The following PRRG3 variants were observed in gnomAD, a reference collection of about 807,000 sequenced individuals.
The protein encoded by PRRG3 is transmembrane gamma-carboxyglutamic acid protein 3.
In PRRG3, 21 loss-of-function variants were observed where a neutral mutation model predicts 15.8. The ratio of observed to expected loss-of-function variants is 1.33; its 90% CI spans 0.94 to 1.92. The LOEUF (loss-of-function observed/expected upper bound fraction) is 1.92, where lower values mean the gene tolerates loss of function less well. Among genes scored for constraint, PRRG3 ranks in the 40% most tolerant of loss-of-function variants. The probability of loss-of-function intolerance (pLI) is 0.00; values close to 1 mark genes in which losing one functional copy is unlikely to be tolerated. For synonymous variants in PRRG3, 125 were observed against 84.1 expected (o/e 1.49, Z -2.66); for missense variants, 251 against 200.2 (o/e 1.25, Z -1.53).
In PRRG3 at chrX:151,701,073, C is replaced by T. The variant is rs374710681; in HGVS notation, c.*40C>T. The T allele has an allele frequency of 6.3e-5, 67 of 1,056,834 alleles. No homozygotes were observed. Among genetic ancestry groups the T allele is most frequent in the Non-Finnish European group, 8.0e-5 (65 of 808,059 alleles). The allele number at this position is 1,056,834 out of a possible 1,213,427, so 87.1% of individuals were successfully genotyped here. Reference sequence around the variant, plus strand: ...CCTGTCCTGGATGAACGCCTCTTTCCGAGGTCTCCTATTTTCTTTTTAACT... The same window carrying T: ...CCTGTCCTGGATGAACGCCTCTTTCTGAGGTCTCCTATTTTCTTTTTAACT... On this transcript the variant is annotated 3_prime_UTR_variant, in exon 4 of 4. Transcript: ENST00000674457.
At chrX:151,695,402 G>C (rs1035011893), upstream of PRRG3, 5 of 110,777 alleles carry the variant, frequency 4.5e-5, no homozygotes, top group Non-Finnish European at 7.6e-5. Flanking sequence ...GGAAGGGAGG[G>C]AGGAGACGGC....
upstream of PRRG3, among the ~76,000 whole-genome samples, chrX:151,694,774 G>A (rs1230906785): frequency 8.9e-6 from 1 of 112,069 alleles, no homozygotes; most frequent in South Asian, 3.7e-4. Context: ...CAGGACGCGG[G>A]TTGGGCTGCG....
In PRRG3 at chrX:151,698,812, A is replaced by C; in HGVS notation, c.-3A>C. On this transcript the variant is annotated 5_prime_UTR_variant, in exon 2 of 4. Coordinates refer to ENST00000674457, the MANE Select transcript of PRRG3 (RefSeq NM_001372163.1). The stretch of plus-strand genomic sequence containing the variant: ...AGTGAGACCCTGCAGCTGAGGGAGC[A>C]TCATGGCAGGTGAGTTTTTCCAGGC... 1 of 1,205,367 alleles carries C rather than the reference A, an allele frequency of 8.3e-7. No individual in the cohort carries two copies. Among genetic ancestry groups the C allele is most frequent in the Non-Finnish European group, 1.1e-6 (1 of 891,613 alleles).
At chrX:151,694,616 C>T (rs146807367), upstream of PRRG3, among the ~76,000 whole-genome samples, 1,624 of 112,270 alleles carry the variant, frequency 0.014, 30 homozygotes, top group African/African-American at 0.049. Context: ...CAGTCATTGG[C>T]GGAACGCGGC....
At chrX:151,698,413 A>G in intron 1 of PRRG3, 1 of 130,036 alleles carries the variant, frequency 7.7e-6, no homozygotes, top group Non-Finnish European at 1.5e-5. Flanking sequence ...GTCCTTTCCA[A>G]TTGGAAGTTG....
intron 2 of PRRG3, 95 bp downstream of exon 2, chrX:151,698,916 C>A: frequency 3.6e-6 from 3 of 841,232 alleles, no homozygotes; most frequent in Non-Finnish European, 3.4e-6. Context: ...CTGCCCCCTA[C>A]CCCCCAAGTG....
intron 1 of PRRG3, among the ~76,000 whole-genome samples, chrX:151,696,349 G>A (rs2014760355): frequency 9.0e-6 from 1 of 111,027 alleles, no homozygotes; most frequent in South Asian, 3.9e-4. Flanking sequence ...GGCAGCAGCA[G>A]CAGTGAAGGT....
intron 2 of PRRG3, 94 bp downstream of exon 2, chrX:151,698,915 A>T (rs41304962): frequency 0.074 from 64,125 of 863,051 alleles, 1,983 homozygotes; most frequent in Middle Eastern, 0.22. Context: ...CCTGCCCCCT[A>T]CCCCCCAAGT....
chrX:151,697,946 C>T (rs1015962369), intron 1 of PRRG3, among the ~76,000 whole-genome samples: 3 of 110,429 alleles, frequency 2.7e-5, no homozygotes, highest in Admixed American at 9.7e-5. Context: ...TTGTAGTTAG[C>T]GTCTCAGTGT....
upstream of PRRG3, among the ~76,000 whole-genome samples, chrX:151,694,693 GCCCCCC>G (rs2014723991): frequency 9.0e-6 from 1 of 110,855 alleles, no homozygotes; most frequent in Admixed American, 9.4e-5. Flanking sequence ...TTGCAGGCTA[GCCCCCC>G]TCTCTTTTCG....
chrX:151,695,980 G>A (rs368461986), intron 1 of PRRG3, among the ~76,000 whole-genome samples: 2 of 111,433 alleles, frequency 1.8e-5, no homozygotes, highest in East Asian at 2.8e-4. Flanking sequence ...CTTCATGTGA[G>A]GGACTTTGGG....
intron 2 of PRRG3, 163 bp from the exon 3 acceptor site, chrX:151,699,833 C>T (rs1460609360): frequency 4.1e-6 from 2 of 487,463 alleles, no homozygotes; most frequent in African/African-American, 4.8e-5. Context: ...CCATCCCTTT[C>T]ACAAAGGGCC....
At chrX:151,699,572 C>G (rs80153614) in intron 2 of PRRG3, among the ~76,000 whole-genome samples, 7,545 of 112,640 alleles carry the variant, frequency 0.067, 303 homozygotes, top group African/African-American at 0.15. Context: ...CCACCAGTAT[C>G]AGCCTTAAAG....
At chrX:151,698,704 G>A (rs2014808662) in intron 1 of PRRG3, 80 bp from the exon 2 acceptor site, 17 of 773,452 alleles carry the variant, frequency 2.2e-5, no homozygotes, top group Non-Finnish European at 2.9e-5. Flanking sequence ...GTGGGAGGGG[G>A]GCACATCCCA....
chrX:151,704,143 TC>T lies in PRRG3; in HGVS notation c.*3112del, dbSNP rs2014942322. On this transcript the variant is annotated 3_prime_UTR_variant, in exon 4 of 4. Coordinates refer to ENST00000674457, the MANE Select transcript of PRRG3 (RefSeq NM_001372163.1). The stretch of plus-strand genomic sequence containing the variant: ...TGTCCCTCCCCCGCTTCCCATCGCC[TC>T]CGGTTTTCAAAATGAAAGCACAAGT... 1 of 109,719 alleles carries T rather than the reference TC, an allele frequency of 9.1e-6. No individual in the cohort carries two copies. Among genetic ancestry groups the T allele is most frequent in the East Asian group, 2.9e-4 (1 of 3,489 alleles). 9.0% of individuals were successfully genotyped at this position (109,719 alleles called of 1,213,427 possible).
At position 151,700,843 on chromosome X, in the gene PRRG3, T is replaced by G. The variant is rs769628736; in HGVS notation, c.506T>G (p.Val169Gly). ...LGPSRGGRTT[V>G]RLESTLYLPE... ...CCCAGTCGGGGGGGCAGGACCACAG[T>G]CCGGCTAGAGAGCACCCTCTACCTC... The change falls in exon 4 of 4, where the codon GTC becomes GGC. Residue 169 changes from valine to glycine, a missense_variant. Coordinates refer to ENST00000674457, the MANE Select transcript of PRRG3 (RefSeq NM_001372163.1). 7.5e-6 allele frequency: 9 copies of G among 1,195,938 alleles called. No homozygotes were observed. In the Admixed American group the frequency reaches 2.0e-4, roughly 27 times the overall value.
chrX:151,697,894 G>A (rs1195151954), intron 1 of PRRG3, among the ~76,000 whole-genome samples: 1 of 110,011 alleles, frequency 9.1e-6, no homozygotes, highest in Admixed American at 9.7e-5. Context: ...CTCCTTAGCA[G>A]GAGAAAGGCT....
chrX:151,698,136 T>C (rs777397838), intron 1 of PRRG3, among the ~76,000 whole-genome samples: 1 of 111,626 alleles, frequency 9.0e-6, no homozygotes, highest in Non-Finnish European at 1.9e-5. Context: ...GAATGCAGCA[T>C]TGTTGTGCAT....
Position 151,700,501 on chromosome X carries a change from TGCAGA to T in PRRG3, c.169-4_169del, listed in dbSNP as rs1198921464. The T allele has an allele frequency of 2.6e-6, 3 of 1,174,995 alleles. No individual in the cohort carries two copies. Among genetic ancestry groups the T allele is most frequent in the Admixed American group, 4.8e-5 (2 of 42,093 alleles). ...TTCTCTTAAGTACCACTTTTTCTTT[TGCAGA>T]TGGAGTTCTGGAAAGGGTACCCAAA... is the stretch of plus-strand genomic sequence containing the variant. On this transcript the variant is annotated splice_acceptor_variant and splice_polypyrimidine_tract_variant and coding_sequence_variant and intron_variant, in exon 4 of 4. Coordinates refer to ENST00000674457, the MANE Select transcript of PRRG3 (RefSeq NM_001372163.1). LOFTEE classifies it high-confidence loss of function.
Sources: gnomAD v4.1 joint callset for allele counts (sites outside exome capture counted in the v4.1 genomes callset) on GRCh38, gnomAD v4.1.1 for gene constraint, MANE v1.5 for transcripts, NCBI Gene and HGNC (gene_info 2026-07-23, HGNC 2026-07-21) for gene names.